The following ACKR3 variants were observed in gnomAD, a reference collection of about 807,000 sequenced individuals.
ACKR3 encodes the protein C-X-C chemokine receptor type 7.
In ACKR3, 6 loss-of-function variants were observed where a neutral mutation model predicts 22.4. The observed-to-expected ratio is 0.27, with a 90% CI of 0.15 to 0.53. The LOEUF (loss-of-function observed/expected upper bound fraction) is 0.53, where lower values mean the gene tolerates loss of function less well. ACKR3 is among the 20% of genes least tolerant of loss of function. The probability of loss-of-function intolerance (pLI) is 0.96; values close to 1 mark genes in which losing one functional copy is unlikely to be tolerated. For missense variants in ACKR3, 396 were observed against 475.2 expected, an observed-to-expected ratio of 0.83 and a Z score of 1.55; for synonymous variants, 209 against 205.2, an observed-to-expected ratio of 1.02 and a Z score of -0.16.
At position 236,574,038 on chromosome 2, in the gene ACKR3, G is replaced by A. The variant is rs1691359507; in HGVS notation, c.-27+4114G>A. Among the ~76,000 whole-genome samples, 1 of 152,018 alleles carries A rather than the reference G, an allele frequency of 6.6e-6. No homozygotes were observed. Among genetic ancestry groups the A allele is most frequent in the African/African-American group, 2.4e-5 (1 of 41,398 alleles). On this transcript the variant is annotated intron_variant, in intron 1 of 1. Transcript: ENST00000272928. This position sits in a 1 kb window ranked among gnomAD's most constrained non-coding sequence, Gnocchi z 5.6. The stretch of plus-strand genomic sequence containing the variant: ...AACCCCTCATTTTCCTGCTGAAGGG[G>A]CATGCACCACCTTGCTCATGCCTGG...
chr2:236,570,327 C>T (rs995753168), intron 1 of ACKR3, among the ~76,000 whole-genome samples: 6 of 152,222 alleles, frequency 3.9e-5, no homozygotes, highest in Non-Finnish European at 8.8e-5. Context: ...ACCTGTTTTG[C>T]TTCTAGTATA....
At chr2:236,555,941 C>T in the ACKR3 span, among the ~76,000 whole-genome samples, 1 of 152,120 alleles carries the variant, frequency 6.6e-6, no homozygotes, top group Non-Finnish European at 1.5e-5. Flanking sequence ...TTAGGGACAG[C>T]GTATTTAGAA....
At chr2:236,542,434 C>T in the ACKR3 span, among the ~76,000 whole-genome samples, 1 of 152,294 alleles carries the variant, frequency 6.6e-6, no homozygotes, top group Non-Finnish European at 1.5e-5. Context: ...AGGAAGGGCT[C>T]ATCCTGACTG....
At chr2:236,549,927 G>A in the ACKR3 span, among the ~76,000 whole-genome samples, 300 of 152,332 alleles carry the variant, frequency 2.0e-3, 1 homozygote, top group African/African-American at 6.8e-3. This position sits in a 1 kb window ranked among gnomAD's most constrained non-coding sequence, Gnocchi z 5.3. Context: ...TTTCTCTAAT[G>A]TGACGGAGGG....
intron 1 of ACKR3, among the ~76,000 whole-genome samples, chr2:236,572,214 G>GA (rs538789015): frequency 4.6e-4 from 70 of 152,162 alleles, no homozygotes; most frequent in East Asian, 4.4e-3. Context: ...ATTTGGAATT[G>GA]AAAAAAACAA....
intron 1 of ACKR3, among the ~76,000 whole-genome samples, chr2:236,575,748 T>C (rs1691401820): frequency 1.3e-5 from 2 of 152,164 alleles, no homozygotes; most frequent in African/African-American, 4.8e-5. Flanking sequence ...TCCCTGTGCA[T>C]GAAGGGAGGC....
Position 236,580,580 on chromosome 2 carries a change from A to C in ACKR3, c.115A>C (p.Asn39His). Residue 39 changes from asparagine (N) to histidine (H), a missense_variant, in exon 2 of 2, where the codon AAC becomes CAC. Transcript: ENST00000272928. ...VDTVMCPNMPNKSVLLYTLSF... is the reference protein window; with the variant it reads ...VDTVMCPNMPHKSVLLYTLSF... ...CACGGTGATGTGTCCCAACATGCCC[A>C]ACAAAAGCGTCCTGCTCTACACGCT... 6.2e-7 allele frequency: 1 copy of C among 1,614,136 alleles called. No individual in the cohort carries two copies. Among genetic ancestry groups the C allele is most frequent in the South Asian group, 1.1e-5 (1 of 91,072 alleles).
chr2:236,559,371 A>G, the ACKR3 span, among the ~76,000 whole-genome samples: 1 of 152,246 alleles, frequency 6.6e-6, no homozygotes, highest in African/African-American at 2.4e-5. Flanking sequence ...TTGCCTAAAA[A>G]ATAAAAATAT....
rs1012806420 is a variant in ACKR3 at position 236,577,280 on chromosome 2, G to A, written c.-26-3160G>A. Among the ~76,000 whole-genome samples the A allele has an allele frequency of 3.9e-5, 6 of 152,254 alleles. No homozygotes were observed. Among genetic ancestry groups the A allele is most frequent in the Non-Finnish European group, 5.9e-5 (4 of 68,046 alleles). On this transcript the variant is annotated intron_variant, in intron 1 of 1. Transcript: ENST00000272928. This position sits in a 1 kb window ranked among gnomAD's most constrained non-coding sequence, Gnocchi z 5.6. ...CACTGTGCCACCCGGGAGGGGAGAA[G>A]CAAGGACAGAGGCGAGGACGGCTGA...
rs374255876 is a variant in ACKR3 at position 236,581,377 on chromosome 2, G to C, written c.912G>C (p.Ser304=). The change falls in exon 2 of 2, where the codon TCG becomes TCC. Residue 304 remains serine, a synonymous_variant. Coordinates refer to ENST00000272928, the MANE Select transcript of ACKR3 (RefSeq NM_020311.3). The surrounding 1 kb of genome is among the most constrained non-coding windows in gnomAD (Gnocchi z 4.4). ...FTALHVTQCL[S]LVHCCVNPVL... ...CCCTGCATGTCACACAGTGCCTGTCGCTGGTGCACTGCTGCGTCAACCCTG... is the reference window on the plus strand; with the variant it reads ...CCCTGCATGTCACACAGTGCCTGTCCCTGGTGCACTGCTGCGTCAACCCTG... 18 of 1,613,884 alleles carry C rather than the reference G, an allele frequency of 1.1e-5. No homozygotes were observed. Among genetic ancestry groups the C allele is most frequent in the African/African-American group, 8.0e-5 (6 of 74,894 alleles).
chr2:236,556,638 A>G, the ACKR3 span, among the ~76,000 whole-genome samples: 11 of 152,344 alleles, frequency 7.2e-5, no homozygotes, highest in African/African-American at 2.6e-4. Flanking sequence ...CTGCTGGCAC[A>G]TTGATCTCAG....
At chr2:236,578,322 G>A (rs1691455197) in intron 1 of ACKR3, among the ~76,000 whole-genome samples, 1 of 152,242 alleles carries the variant, frequency 6.6e-6, no homozygotes, top group African/African-American at 2.4e-5. Context: ...CCTGCTTTGA[G>A]TTTCTGTCCT....
the ACKR3 span, among the ~76,000 whole-genome samples, chr2:236,545,698 A>T: frequency 6.6e-6 from 1 of 152,226 alleles, no homozygotes; most frequent in Non-Finnish European, 1.5e-5. This position sits in a 1 kb window ranked among gnomAD's most constrained non-coding sequence, Gnocchi z 5.3. Context: ...ATGGTATATG[A>T]CACGGAATCT....
chr2:236,580,491 C>T lies in ACKR3; in HGVS notation c.26C>T (p.Ser9Leu). MDLHLFDYSEPGNFSDISW... is the reference protein window; with the variant it reads MDLHLFDYLEPGNFSDISW... ...ATGGATCTGCATCTCTTCGACTACT[C>T]AGAGCCAGGGAACTTCTCGGACATC... The change falls in exon 2 of 2, where the codon TCA (serine) becomes TTA (leucine). Residue 9 changes from serine to leucine, a missense_variant. Physicochemically the swap from Ser to Leu is moderately radical, Grantham distance 145. Coordinates refer to ENST00000272928, the MANE Select transcript of ACKR3 (RefSeq NM_020311.3). The T allele has an allele frequency of 2.0e-5, 32 of 1,613,632 alleles. 1 individual carries two copies. The highest frequency in any genetic ancestry group is 2.5e-5 in the Non-Finnish European group (30 of 1,179,532).
chr2:236,578,200 T>TG (rs1176401996), intron 1 of ACKR3, among the ~76,000 whole-genome samples: 3 of 152,196 alleles, frequency 2.0e-5, no homozygotes, highest in African/African-American at 7.2e-5. Flanking sequence ...GGCCTGGGGT[T>TG]GCCCGTCCAC....
upstream of ACKR3, among the ~76,000 whole-genome samples, chr2:236,565,141 A>G (rs1488237095): frequency 1.3e-5 from 2 of 152,068 alleles, no homozygotes; most frequent in African/African-American, 2.4e-5. Flanking sequence ...GAAGAGAAAT[A>G]GCCATTCTAG....
the ACKR3 span, among the ~76,000 whole-genome samples, chr2:236,545,005 G>A: frequency 6.6e-6 from 1 of 152,186 alleles, no homozygotes; most frequent in Admixed American, 6.5e-5. This position sits in a 1 kb window ranked among gnomAD's most constrained non-coding sequence, Gnocchi z 5.3. Flanking sequence ...GGTGGTGGCT[G>A]GCAACCAGGG....
In ACKR3 at chr2:236,580,613, A is replaced by G. The variant is rs1034526551; in HGVS notation, c.148A>G (p.Ile50Val). 6.2e-7 allele frequency: 1 copy of G among 1,613,716 alleles called. No individual in the cohort carries two copies. Among genetic ancestry groups the G allele is most frequent in the Non-Finnish European group, 8.5e-7 (1 of 1,179,826 alleles). The change falls in exon 2 of 2, where the codon ATT becomes GTT. Residue 50 changes from isoleucine to valine, a missense_variant. By Grantham distance (29) the Ile-to-Val change is conservative. Coordinates refer to ENST00000272928, the MANE Select transcript of ACKR3 (RefSeq NM_020311.3). The part of the protein sequence containing the change: ...KSVLLYTLSF[I>V]YIFIFVIGMI... ...CGTCCTGCTCTACACGCTCTCCTTC[A>G]TTTACATTTTCATCTTCGTCATCGG... is the stretch of plus-strand genomic sequence containing the variant.
At chr2:236,537,829 G>T in the ACKR3 span, among the ~76,000 whole-genome samples, 1 of 152,308 alleles carries the variant, frequency 6.6e-6, no homozygotes, top group African/African-American at 2.4e-5. Flanking sequence ...CTCCAAAAGG[G>T]TTAATGTTCT....
Sources: gnomAD v4.1 joint callset for allele counts (sites outside exome capture counted in the v4.1 genomes callset) on GRCh38, gnomAD v4.1.1 for gene constraint, Gnocchi (gnomAD v3.1) non-coding constraint, MANE v1.5 for transcripts, NCBI Gene and HGNC (gene_info 2026-07-23, HGNC 2026-07-21) for gene names.